ZNF536: variants seen among roughly 807,000 people sequenced by gnomAD.
ZNF536 encodes the protein zinc finger protein 536.
Under a neutral mutation model 84.5 loss-of-function variants are expected in ZNF536, and 13 were observed. That is an observed-to-expected ratio of 0.15 (90% CI 0.10 to 0.24). The LOEUF is 0.24. Ranked by LOEUF, ZNF536 falls within the 10% of genes least tolerant of loss-of-function variation. The pLI is 1.00. For missense variants in ZNF536, 1,536 were observed against 1,747.5 expected, an observed-to-expected ratio of 0.88 and a Z score of 2.16; for synonymous variants, 811 against 742.5, an observed-to-expected ratio of 1.09 and a Z score of -1.50.
At chr19:30,541,788 A>G (rs2045341386) in intron 3 of ZNF536, among the ~76,000 whole-genome samples, 1 of 152,224 alleles carries the variant, frequency 6.6e-6, no homozygotes, top group African/African-American at 2.4e-5. Flanking sequence ...GGAAAGTCAC[A>G]TAATGAATCT....
intron 3 of ZNF536, among the ~76,000 whole-genome samples, chr19:30,356,951 C>T (rs866761572): frequency 1.3e-5 from 2 of 152,206 alleles, no homozygotes; most frequent in East Asian, 1.9e-4. Flanking sequence ...CCTGGTGGTT[C>T]GAGCATGGTT....
chr19:30,466,037 A>G (rs772447342), intron 2 of ZNF536, among the ~76,000 whole-genome samples: 2 of 152,034 alleles, frequency 1.3e-5, no homozygotes, highest in Non-Finnish European at 2.9e-5. Flanking sequence ...GGCATGAGCC[A>G]CCGTGCCTGG....
At chr19:30,590,915 T>C (rs1297777926) in intron 1 of ZNF536, among the ~76,000 whole-genome samples, 1 of 152,208 alleles carries the variant, frequency 6.6e-6, no homozygotes, top group South Asian at 2.1e-4. Context: ...GGCAAGAAAC[T>C]GGCAAGGGGC....
chr19:30,424,853 T>C (rs76700482), intron 1 of ZNF536, among the ~76,000 whole-genome samples: 2 of 152,032 alleles, frequency 1.3e-5, no homozygotes, highest in East Asian at 1.9e-4. Context: ...TTGGTGACCA[T>C]GGTGGAGTGC....
intron 1 of ZNF536, among the ~76,000 whole-genome samples, chr19:30,410,805 C>A (rs184466779): frequency 1.3e-5 from 2 of 151,430 alleles, no homozygotes; most frequent in African/African-American, 4.9e-5. Flanking sequence ...AAATCTCTCA[C>A]CTTCACCTCA....
At chr19:30,527,960 A>G (rs1326184935) in intron 2 of ZNF536, among the ~76,000 whole-genome samples, 1 of 152,086 alleles carries the variant, frequency 6.6e-6, no homozygotes, top group Non-Finnish European at 1.5e-5. Flanking sequence ...AGACTCCACA[A>G]ATAGTTTTTT....
At chr19:30,311,425 T>C (rs180719541) in intron 2 of ZNF536, among the ~76,000 whole-genome samples, 6 of 152,358 alleles carry the variant, frequency 3.9e-5, no homozygotes, top group Non-Finnish European at 8.8e-5. Context: ...AAGCATCACA[T>C]TGTTTCAAAT....
chr19:30,463,292 G>A (rs1035190456), intron 2 of ZNF536, among the ~76,000 whole-genome samples: 6 of 152,096 alleles, frequency 3.9e-5, no homozygotes, highest in South Asian at 2.1e-4. Context: ...CAAAACCTTC[G>A]CTCATCACTA....
At chr19:30,349,363 C>T (rs182779522) in intron 2 of ZNF536, among the ~76,000 whole-genome samples, 67 of 152,334 alleles carry the variant, frequency 4.4e-4, no homozygotes, top group African/African-American at 1.6e-3. Context: ...TCATCCCTCC[C>T]TGCAGTGAAG....
intron 1 of ZNF536, among the ~76,000 whole-genome samples, chr19:30,700,238 TTCTCTC>T (rs141789281): frequency 4.1e-5 from 4 of 97,916 alleles, no homozygotes; most frequent in African/African-American, 1.2e-4. Context: ...CTTTCTTTCT[TTCTCTC>T]TCTCTCTCTC....
intron 1 of ZNF536, among the ~76,000 whole-genome samples, chr19:30,264,623 C>T (rs1170485424): frequency 6.6e-6 from 1 of 151,868 alleles, no homozygotes; most frequent in South Asian, 2.1e-4. Flanking sequence ...ATTTTAAAAC[C>T]TTTCTCCCAC....
intron 1 of ZNF536, among the ~76,000 whole-genome samples, chr19:30,244,479 G>A (rs2024137469): frequency 6.6e-6 from 1 of 152,130 alleles, no homozygotes; most frequent in South Asian, 2.1e-4. Context: ...TGCTTTAATT[G>A]TCTTATTGAC....
chr19:30,311,756 A>T (rs987791927), intron 2 of ZNF536, among the ~76,000 whole-genome samples: 1 of 152,158 alleles, frequency 6.6e-6, no homozygotes, highest in Non-Finnish European at 1.5e-5. Context: ...GTCACATTAA[A>T]GTAAATGCAA....
chr19:30,712,768 A>G (rs2052490253), exon 2 of ZNF536: 1 of 152,158 alleles, frequency 6.6e-6, no homozygotes, highest in African/African-American at 2.4e-5. Context: ...AACTTAATGC[A>G]ACTGTTTCTA....
At chr19:30,651,153 G>A (rs2049686800) in intron 1 of ZNF536, among the ~76,000 whole-genome samples, 1 of 152,202 alleles carries the variant, frequency 6.6e-6, no homozygotes, top group Non-Finnish European at 1.5e-5. Context: ...GGGAGCCTCA[G>A]AGGGGTTAGG....
intron 1 of ZNF536, among the ~76,000 whole-genome samples, chr19:30,679,625 C>A (rs1317937568): frequency 6.6e-6 from 1 of 152,116 alleles, no homozygotes; most frequent in African/African-American, 2.4e-5. Context: ...CAGGGAAGGG[C>A]CAGATCCTAC....
chr19:30,580,915 C>A (rs1012542449), intron 1 of ZNF536, among the ~76,000 whole-genome samples: 5 of 152,162 alleles, frequency 3.3e-5, no homozygotes, highest in African/African-American at 9.7e-5. Flanking sequence ...GCTGTGACTG[C>A]AGGTGGCCCC....
At chr19:30,550,210 G>C (rs2045721810) in intron 4 of ZNF536, among the ~76,000 whole-genome samples, 1 of 152,200 alleles carries the variant, frequency 6.6e-6, no homozygotes, top group East Asian at 1.9e-4. Flanking sequence ...GTGTGACCCT[G>C]TGCATCTTGG....
intron 1 of ZNF536, among the ~76,000 whole-genome samples, chr19:30,270,887 A>G (rs1204583897): frequency 6.6e-6 from 1 of 152,078 alleles, no homozygotes; most frequent in Non-Finnish European, 1.5e-5. Flanking sequence ...ATTCATTACA[A>G]TGTTTGTTAA....
Sources: gnomAD v4.1 joint callset for allele counts (sites outside exome capture counted in the v4.1 genomes callset) on GRCh38, gnomAD v4.1.1 for gene constraint, MANE v1.5 for transcripts, NCBI Gene and HGNC (gene_info 2026-07-23, HGNC 2026-07-21) for gene names.